The following NDST4 variants were observed in gnomAD, a reference collection of about 807,000 sequenced individuals.
NDST4 encodes the protein N-heparan sulfate sulfotransferase 4.
In NDST4, 63 loss-of-function variants were observed where a neutral mutation model predicts 100.8. The ratio of observed to expected loss-of-function variants is 0.62; its 90% CI spans 0.51 to 0.77. The LOEUF (loss-of-function observed/expected upper bound fraction) is 0.77. Ranked by LOEUF, NDST4 falls within the 30% of genes least tolerant of loss-of-function variation. The pLI is 0.00. For synonymous variants in NDST4, 377 were observed against 361.8 expected (o/e 1.04, Z -0.48); for missense variants, 943 against 1,018.4 (o/e 0.93, Z 1.01).
At chr4:114,918,104 T>A (rs368983544) in intron 6 of NDST4, among the ~76,000 whole-genome samples, 2 of 152,172 alleles carry the variant, frequency 1.3e-5, no homozygotes, top group East Asian at 3.9e-4. Flanking sequence ...CTTTTCCTAA[T>A]GTTAGACAGA....
At chr4:114,905,129 T>C (rs1724921889) in intron 6 of NDST4, among the ~76,000 whole-genome samples, 1 of 150,284 alleles carries the variant, frequency 6.7e-6, no homozygotes, top group Admixed American at 6.6e-5. Flanking sequence ...GCATAAAAAT[T>C]CTTCCTTTTT....
At chr4:114,933,943 G>T (rs1578398169) in intron 6 of NDST4, among the ~76,000 whole-genome samples, 1 of 152,090 alleles carries the variant, frequency 6.6e-6, no homozygotes, top group African/African-American at 2.4e-5. Context: ...AAACACTATA[G>T]AGATTCCTTC....
At chr4:115,001,091 G>A (rs1727280254) in intron 2 of NDST4, among the ~76,000 whole-genome samples, 1 of 152,092 alleles carries the variant, frequency 6.6e-6, no homozygotes, top group Non-Finnish European at 1.5e-5. Context: ...AGGGGTGAGA[G>A]TTTTAACATA....
intron 6 of NDST4, among the ~76,000 whole-genome samples, chr4:114,876,178 A>C (rs1405022606): frequency 6.6e-6 from 1 of 152,162 alleles, no homozygotes; most frequent in Non-Finnish European, 1.5e-5. Context: ...CTCACGCTGC[A>C]GCACAGTATT....
At chr4:115,021,238 T>A (rs180703360) in intron 2 of NDST4, among the ~76,000 whole-genome samples, 7 of 128,292 alleles carry the variant, frequency 5.5e-5, no homozygotes, top group African/African-American at 3.5e-4. Flanking sequence ...CATATATATA[T>A]TCCACATATA....
At chr4:114,947,129 G>C (rs1387871418) in intron 4 of NDST4, among the ~76,000 whole-genome samples, 1 of 152,062 alleles carries the variant, frequency 6.6e-6, no homozygotes, top group African/African-American at 2.4e-5. Context: ...AGCATAGAAG[G>C]TCCCCTTGGG....
At chr4:114,844,186 C>T (rs758474303) in intron 10 of NDST4, among the ~76,000 whole-genome samples, 5 of 152,152 alleles carry the variant, frequency 3.3e-5, no homozygotes, top group Admixed American at 6.5e-5. Context: ...ATTTCCATAC[C>T]TCACTAAGTC....
intron 6 of NDST4, among the ~76,000 whole-genome samples, chr4:114,903,769 G>A (rs570408690): frequency 4.2e-4 from 64 of 152,034 alleles, no homozygotes; most frequent in Non-Finnish European, 8.2e-4. Context: ...AAATAAAGGA[G>A]AAATAAAGAA....
At chr4:114,998,265 T>C (rs1727208961) in intron 2 of NDST4, among the ~76,000 whole-genome samples, 2 of 152,158 alleles carry the variant, frequency 1.3e-5, no homozygotes, top group East Asian at 1.9e-4. Flanking sequence ...ATCCCCAAAG[T>C]GAGCATCCTA....
chr4:114,970,372 C>T (rs1578421335), intron 4 of NDST4, 58 bp downstream of exon 4: 20 of 1,483,084 alleles, frequency 1.3e-5, no homozygotes, highest in Admixed American at 1.9e-5. Context: ...TAATTTTACA[C>T]TTCCACCACA....
intron 2 of NDST4, among the ~76,000 whole-genome samples, chr4:115,037,660 A>C (rs1263147997): frequency 6.6e-6 from 1 of 152,164 alleles, no homozygotes; most frequent in Non-Finnish European, 1.5e-5. Flanking sequence ...GTAAATGTTC[A>C]GCAATTTTTT....
At chr4:114,922,967 G>T (rs1725319270) in intron 6 of NDST4, among the ~76,000 whole-genome samples, 1 of 152,122 alleles carries the variant, frequency 6.6e-6, no homozygotes, top group Non-Finnish European at 1.5e-5. Flanking sequence ...CAGGCTCAGG[G>T]GATGAGAAAG....
intron 4 of NDST4, among the ~76,000 whole-genome samples, chr4:114,939,153 C>T (rs1414691374): frequency 6.6e-6 from 1 of 152,164 alleles, no homozygotes; most frequent in Non-Finnish European, 1.5e-5. Context: ...TGAGTGGTCA[C>T]AAAGTGTTTT....
chr4:115,035,269 A>G (rs1041541436), intron 2 of NDST4, among the ~76,000 whole-genome samples: 6 of 152,190 alleles, frequency 3.9e-5, no homozygotes, highest in African/African-American at 1.4e-4. Context: ...AACAATAAGA[A>G]TATGCAAATA....
intron 2 of NDST4, among the ~76,000 whole-genome samples, chr4:114,982,040 C>G (rs1303713121): frequency 6.6e-6 from 1 of 152,178 alleles, no homozygotes; most frequent in East Asian, 1.9e-4. Flanking sequence ...CACACTCTCT[C>G]TCTTCCTGTG....
intron 8 of NDST4, among the ~76,000 whole-genome samples, chr4:114,849,509 C>A (rs972918145): frequency 1.3e-5 from 2 of 152,164 alleles, no homozygotes; most frequent in African/African-American, 4.8e-5. Flanking sequence ...GCAAAGGCTA[C>A]TGCACTTTGA....
chr4:114,997,667 A>T (rs1408319582), intron 2 of NDST4, among the ~76,000 whole-genome samples: 1 of 152,054 alleles, frequency 6.6e-6, no homozygotes, highest in African/African-American at 2.4e-5. Flanking sequence ...AGGAACTTTT[A>T]TTTATCTTCA....
At chr4:115,041,011 C>T (rs1158323331) in intron 2 of NDST4, among the ~76,000 whole-genome samples, 1 of 151,998 alleles carries the variant, frequency 6.6e-6, no homozygotes, top group Non-Finnish European at 1.5e-5. Flanking sequence ...ATGAACTCTA[C>T]CTCTGAGTAA....
intron 10 of NDST4, among the ~76,000 whole-genome samples, chr4:114,841,961 AAAG>A (rs1392762892): frequency 6.6e-6 from 1 of 152,176 alleles, no homozygotes. Context: ...AAATCAAGAA[AAAG>A]AAGCAAAAAA....
Sources: allele counts gnomAD v4.1 joint callset (sites outside exome capture counted in the v4.1 genomes callset), GRCh38; gene constraint gnomAD v4.1.1; transcripts MANE v1.5; gene names NCBI Gene and HGNC (gene_info 2026-07-23, HGNC 2026-07-21).